Variants in RLN2 observed in about 807,000 individuals in gnomAD.
RLN2 encodes prorelaxin H2.
Under a neutral mutation model 7.3 loss-of-function variants are expected in RLN2, and 10 were observed. The ratio of observed to expected loss-of-function variants is 1.36; its 90% CI spans 0.84 to 2.31. The LOEUF (loss-of-function observed/expected upper bound fraction) is 2.31, where lower values mean the gene tolerates loss of function less well. RLN2 is among the 30% of genes most tolerant of loss of function. RLN2 has a pLI of 0.00. For missense variants in RLN2, 298 were observed against 217.6 expected (o/e 1.37, Z -2.32); for synonymous variants, 103 against 82.3 (o/e 1.25, Z -1.36).
At chr9:5,333,571 G>A in the RLN2 span, among the ~76,000 whole-genome samples, 32 of 152,100 alleles carry the variant, frequency 2.1e-4, no homozygotes, top group Admixed American at 2.0e-4. Flanking sequence ...TGGATTTACA[G>A]CTGAATTCTA....
chr9:5,336,876 C>G, the RLN2 span, among the ~76,000 whole-genome samples: 1 of 151,968 alleles, frequency 6.6e-6, no homozygotes, highest in East Asian at 1.9e-4. Context: ...GACCCTTCAC[C>G]TAGACAGCGG....
the RLN2 span, among the ~76,000 whole-genome samples, chr9:5,329,900 C>T: frequency 6.6e-6 from 1 of 152,000 alleles, no homozygotes; most frequent in Admixed American, 6.6e-5. Flanking sequence ...CAGCTCTGCA[C>T]CAAGCAGACC....
the RLN2 span, among the ~76,000 whole-genome samples, chr9:5,321,420 A>G: frequency 2.6e-5 from 4 of 152,002 alleles, no homozygotes; most frequent in Non-Finnish European, 4.4e-5. Context: ...TCCAGCCTTA[A>G]TGTTCATCAT....
the RLN2 span, chr9:5,339,286 G>A: frequency 1.1e-5 from 4 of 361,280 alleles, no homozygotes; most frequent in Admixed American, 1.2e-4. Context: ...GGAACTCTCG[G>A]GTGAAGCAGC....
chr9:5,328,211 T>A, the RLN2 span, among the ~76,000 whole-genome samples: 2 of 151,952 alleles, frequency 1.3e-5, no homozygotes, highest in East Asian at 3.9e-4. Context: ...GTAGAGAAGA[T>A]CTTAAATGAC....
At chr9:5,306,102 G>GTTTTT (rs57304439), upstream of RLN2, among the ~76,000 whole-genome samples, 5 of 123,434 alleles carry the variant, frequency 4.1e-5, no homozygotes, top group African/African-American at 1.3e-4. Context: ...CTTTGTTTTT[G>GTTTTT]TTTTTTGTTT....
At chr9:5,323,876 G>T in the RLN2 span, among the ~76,000 whole-genome samples, 3 of 151,864 alleles carry the variant, frequency 2.0e-5, no homozygotes, top group East Asian at 1.9e-4. Flanking sequence ...GCTAAACTGC[G>T]TGTCTACTAA....
the RLN2 span, among the ~76,000 whole-genome samples, chr9:5,332,927 T>C: frequency 2.0e-5 from 3 of 152,010 alleles, no homozygotes; most frequent in Non-Finnish European, 4.4e-5. Context: ...ATGATTCTCA[T>C]TCTTAATGTT....
At chr9:5,304,972 T>A (rs1216395100), upstream of RLN2, 1 of 192,384 alleles carries the variant, frequency 5.2e-6, no homozygotes, top group Non-Finnish European at 1.1e-5. Flanking sequence ...AAATTTGAGA[T>A]CACCCATATT....
chr9:5,325,554 A>G, the RLN2 span, among the ~76,000 whole-genome samples: 1 of 152,072 alleles, frequency 6.6e-6, no homozygotes, highest in Non-Finnish European at 1.5e-5. Context: ...ACAAAGAAAG[A>G]TTAGAAATGA....
upstream of RLN2, among the ~76,000 whole-genome samples, chr9:5,305,396 CACACACAGAGAG>C (rs1350729972): frequency 1.4e-5 from 2 of 141,540 alleles, no homozygotes; most frequent in African/African-American, 5.8e-5. Context: ...CACACACACA[CACACACAGAGAG>C]AGAGAGAGAG....
At chr9:5,327,868 A>G in the RLN2 span, among the ~76,000 whole-genome samples, 2 of 152,042 alleles carry the variant, frequency 1.3e-5, no homozygotes, top group African/African-American at 4.8e-5. Context: ...TAGCATCAAC[A>G]TCAACAAAAA....
chr9:5,300,337 G>C lies in RLN2; in HGVS notation c.319C>G (p.Pro107Ala), dbSNP rs373868453. 1 of 1,613,700 alleles carries C rather than the reference G, an allele frequency of 6.2e-7. No individual in the cohort carries two copies. Among genetic ancestry groups the C allele is most frequent in the Admixed American group, 1.7e-5 (1 of 60,000 alleles). Residue 107 changes from proline (P) to alanine (A), a missense_variant, in exon 2 of 2, where the codon CCA (proline) becomes GCA (alanine). Physicochemically the swap from Pro to Ala is conservative, Grantham distance 27. Coordinates refer to ENST00000381627, the MANE Select transcript of RLN2 (RefSeq NM_134441.3). ...ELKLTLSEMQPALPQLQQHVP... is the reference protein window; with the variant it reads ...ELKLTLSEMQAALPQLQQHVP... Reference sequence around the variant, plus strand: ...TGTTGTTGTAGCTGTGGTAATGCTGGCTGCATCTCAGACAGGGTTAACTTC... The same window carrying C: ...TGTTGTTGTAGCTGTGGTAATGCTGCCTGCATCTCAGACAGGGTTAACTTC...
chr9:5,317,995 T>TGTGTGTGTGC, the RLN2 span, among the ~76,000 whole-genome samples: 3 of 117,554 alleles, frequency 2.6e-5, no homozygotes, highest in East Asian at 3.2e-4. Flanking sequence ...AACAAAACTA[T>TGTGTGTGTGC]GTGTGTGTGT....
chr9:5,335,700 C>T, the RLN2 span: 1 of 696,898 alleles, frequency 1.4e-6, no homozygotes, highest in South Asian at 2.0e-5. Flanking sequence ...AAAGCATTGC[C>T]TCAATATAAA....
At position 5,300,439 on chromosome 9, in the gene RLN2, C is replaced by T; in HGVS notation, c.217G>A (p.Val73Met). The T allele has an allele frequency of 1.3e-6, 2 of 1,590,662 alleles. No individual in the cohort carries two copies. The highest frequency in any genetic ancestry group is 1.7e-6 in the Non-Finnish European group (2 of 1,168,558). Residue 73 changes from valine (V) to methionine (M), a missense_variant, in exon 2 of 2, where the codon GTG (valine) becomes ATG (methionine). Transcript: ENST00000381627. Reference sequence around the variant, plus strand: ...GTATCTTTGTTGATGAAGGATGGCACAATTTCTGTTAAATTTAAAAAAAAA... The same window carrying T: ...GTATCTTTGTTGATGAAGGATGGCATAATTTCTGTTAAATTTAAAAAAAAA... Reference protein sequence around the residue: ...PQTPRPVAEIVPSFINKDTET... With the variant: ...PQTPRPVAEIMPSFINKDTET...
the RLN2 span, among the ~76,000 whole-genome samples, chr9:5,331,919 G>A: frequency 1.3e-5 from 2 of 151,892 alleles, no homozygotes; most frequent in Non-Finnish European, 2.9e-5. Flanking sequence ...CCTTGACTAA[G>A]TAATTCCCAT....
chr9:5,300,478 G>T, intron 1 of RLN2, 34 bp from the exon 2 acceptor site: 2 of 1,407,998 alleles, frequency 1.4e-6, no homozygotes, highest in Non-Finnish European at 2.0e-6. Context: ...GTATGTGAGG[G>T]TATATTCATG....
the RLN2 span, among the ~76,000 whole-genome samples, chr9:5,336,866 G>A: frequency 3.5e-3 from 529 of 152,028 alleles, 8 homozygotes; most frequent in African/African-American, 0.011. Context: ...AGGAAACCAC[G>A]ACCCTTCACC....
Sources: gnomAD v4.1 joint callset for allele counts (sites outside exome capture counted in the v4.1 genomes callset) on GRCh38, gnomAD v4.1.1 for gene constraint, MANE v1.5 for transcripts, NCBI Gene and HGNC (gene_info 2026-07-23, HGNC 2026-07-21) for gene names.